FCHSD2: variants seen among roughly 807,000 people sequenced by gnomAD.
The protein encoded by FCHSD2 is F-BAR and double SH3 domains protein 2.
FCHSD2 carries 38 observed loss-of-function variants against 108.1 expected under a neutral mutation model. The ratio of observed to expected loss-of-function variants is 0.35; its 90% CI spans 0.27 to 0.46. The LOEUF (loss-of-function observed/expected upper bound fraction) is 0.46. Ranked by LOEUF, FCHSD2 falls within the 20% of genes least tolerant of loss-of-function variation. The pLI, the probability that FCHSD2 is intolerant of heterozygous loss-of-function variation, is 1.00. For synonymous variants in FCHSD2, 279 were observed against 314.7 expected, an observed-to-expected ratio of 0.89 and a Z score of 1.20; for missense variants, 751 against 897.8, an observed-to-expected ratio of 0.84 and a Z score of 2.09.
chr11:73,071,488 G>C (rs1399533437), intron 3 of FCHSD2, among the ~76,000 whole-genome samples: 1 of 150,860 alleles, frequency 6.6e-6, no homozygotes, highest in African/African-American at 2.4e-5. Context: ...TCAGGAGATT[G>C]AGACCATCCT....
At chr11:73,004,192 C>T (rs559695752) in intron 4 of FCHSD2, among the ~76,000 whole-genome samples, 1 of 148,164 alleles carries the variant, frequency 6.7e-6, no homozygotes, top group East Asian at 2.0e-4. Flanking sequence ...GTAAGTACTA[C>T]GTTATGTATT....
At chr11:73,090,201 A>T (rs1324780820) in intron 2 of FCHSD2, among the ~76,000 whole-genome samples, 5 of 146,184 alleles carry the variant, frequency 3.4e-5, no homozygotes, top group Non-Finnish European at 6.0e-5. Flanking sequence ...ATATATATTT[A>T]TGGTAATTAC....
chr11:73,007,187 A>G (rs1053022367), intron 4 of FCHSD2, among the ~76,000 whole-genome samples: 4 of 152,218 alleles, frequency 2.6e-5, no homozygotes, highest in Non-Finnish European at 5.9e-5. Context: ...TGCCATAATA[A>G]TTAGGTTATA....
intron 4 of FCHSD2, among the ~76,000 whole-genome samples, chr11:73,011,422 G>T (rs183666875): frequency 6.6e-6 from 1 of 152,268 alleles, no homozygotes; most frequent in African/African-American, 2.4e-5. Context: ...AGCACCACTC[G>T]CTCCCCAGCA....
chr11:73,085,634 A>G (rs1015566888), intron 2 of FCHSD2, among the ~76,000 whole-genome samples: 1 of 152,168 alleles, frequency 6.6e-6, no homozygotes, highest in Non-Finnish European at 1.5e-5. Flanking sequence ...CAGGTTCACA[A>G]AAGACTTCAG....
chr11:72,974,128 ATACCACAAACTGGGT>A (rs1857061396), intron 8 of FCHSD2, among the ~76,000 whole-genome samples: 1 of 152,272 alleles, frequency 6.6e-6, no homozygotes, highest in Non-Finnish European at 1.5e-5. Flanking sequence ...CTATAACAGA[ATACCACAAACTGGGT>A]AATTATAAAC....
chr11:72,943,386 T>C (rs1387573874), intron 8 of FCHSD2, among the ~76,000 whole-genome samples: 1 of 152,188 alleles, frequency 6.6e-6, no homozygotes, highest in Non-Finnish European at 1.5e-5. Flanking sequence ...GACTACTGAA[T>C]AGAATTCCAA....
intron 3 of FCHSD2, among the ~76,000 whole-genome samples, chr11:73,035,903 T>C (rs1265710789): frequency 1.3e-5 from 2 of 151,884 alleles, no homozygotes; most frequent in Non-Finnish European, 2.9e-5. Flanking sequence ...GTATTTTTAA[T>C]AGAGACAGGG....
intron 2 of FCHSD2, among the ~76,000 whole-genome samples, chr11:73,106,417 AAAAAAG>A (rs1334656375): frequency 6.6e-6 from 1 of 151,814 alleles, no homozygotes; most frequent in East Asian, 1.9e-4. Flanking sequence ...AAAAAAAAAA[AAAAAAG>A]AAAAAGAAAA....
intron 8 of FCHSD2, among the ~76,000 whole-genome samples, chr11:72,978,441 A>C (rs1214066910): frequency 1.3e-5 from 2 of 152,264 alleles, no homozygotes; most frequent in Non-Finnish European, 2.9e-5. Context: ...ATCATTGACC[A>C]TCAGAGAAAC....
intron 3 of FCHSD2, among the ~76,000 whole-genome samples, chr11:73,070,480 G>A (rs1859407929): frequency 1.3e-5 from 2 of 152,114 alleles, no homozygotes; most frequent in Non-Finnish European, 2.9e-5. Context: ...CTGGAGTGCA[G>A]TGGCACGACC....
chr11:73,027,136 A>G (rs953388051), intron 3 of FCHSD2, among the ~76,000 whole-genome samples: 2 of 152,164 alleles, frequency 1.3e-5, no homozygotes, highest in Admixed American at 1.3e-4. Context: ...AACAGTTTGG[A>G]GGGCTCAGAA....
intron 19 of FCHSD2, among the ~76,000 whole-genome samples, 159 bp downstream of exon 19, chr11:72,840,718 T>C (rs889133568): frequency 2.6e-5 from 4 of 152,230 alleles, no homozygotes; most frequent in African/African-American, 9.6e-5. Flanking sequence ...TTGATTTCTA[T>C]GGCCTTCCTT....
At chr11:73,092,932 C>T (rs1423847366) in intron 2 of FCHSD2, among the ~76,000 whole-genome samples, 2 of 152,076 alleles carry the variant, frequency 1.3e-5, no homozygotes, top group African/African-American at 2.4e-5. Flanking sequence ...ACCTGGGGAC[C>T]TTGTGCCACA....
intron 8 of FCHSD2, among the ~76,000 whole-genome samples, chr11:72,980,020 T>C (rs1857182622): frequency 6.6e-6 from 1 of 152,118 alleles, no homozygotes; most frequent in South Asian, 2.1e-4. Flanking sequence ...TGAGATATAA[T>C]CCAAAGCTGA....
chr11:72,967,409 T>C (rs993720170), intron 8 of FCHSD2, among the ~76,000 whole-genome samples: 1 of 152,070 alleles, frequency 6.6e-6, no homozygotes. Flanking sequence ...TCCATATCAA[T>C]ATGACTATTA....
At position 72,921,810 on chromosome 11, in the gene FCHSD2, G is replaced by T; in HGVS notation, c.828+18C>A. 6.2e-7 allele frequency: 1 copy of T among 1,601,562 alleles called. No homozygotes were observed. The highest frequency in any genetic ancestry group is 8.5e-7 in the Non-Finnish European group (1 of 1,170,352). ...TCTAAGTTGGATAACACTACACGTT[G>T]CACTAAAGGTAACTTACCTTGCTGG... On this transcript the variant is annotated intron_variant, in intron 9 of 19. Coordinates refer to ENST00000409418, the MANE Select transcript of FCHSD2 (RefSeq NM_014824.3).
chr11:72,846,017 C>T (rs1374153497), intron 14 of FCHSD2, among the ~76,000 whole-genome samples: 3 of 152,036 alleles, frequency 2.0e-5, no homozygotes, highest in Non-Finnish European at 4.4e-5. Flanking sequence ...TTGATAATAT[C>T]TTCCTCATAG....
At chr11:72,999,315 CTTTTTTTTT>C in intron 5 of FCHSD2, among the ~76,000 whole-genome samples, 1 of 103,768 alleles carries the variant, frequency 9.6e-6, no homozygotes, top group South Asian at 3.3e-4. Context: ...ACCAAAGATT[CTTTTTTTTT>C]TTTTTTTTTT....
Sources: allele counts gnomAD v4.1 joint callset (sites outside exome capture counted in the v4.1 genomes callset), GRCh38; gene constraint gnomAD v4.1.1; transcripts MANE v1.5; gene names NCBI Gene and HGNC (gene_info 2026-07-23, HGNC 2026-07-21).